Variants in ASAP1 observed in about 807,000 individuals in gnomAD.
The protein encoded by ASAP1 is ArfGAP with SH3 domain, ankyrin repeat and PH domain 1, also known as arf-GAP with SH3 domain, ANK repeat and PH domain-containing protein 1.
In ASAP1, 43 loss-of-function variants were observed where a neutral mutation model predicts 145.2. The ratio of observed to expected loss-of-function variants is 0.30; its 90% CI spans 0.23 to 0.38. ASAP1 has a LOEUF of 0.38. Ranked by LOEUF, ASAP1 falls within the 10% of genes least tolerant of loss-of-function variation. The probability of loss-of-function intolerance (pLI) is 1.00; values close to 1 mark genes in which losing one functional copy is unlikely to be tolerated. For synonymous variants in ASAP1, 546 were observed against 515.5 expected (o/e 1.06, Z -0.80); for missense variants, 1,018 against 1,355.3 (o/e 0.75, Z 3.91).
At chr8:130,419,825 G>C (rs1471612144) in intron 1 of ASAP1, among the ~76,000 whole-genome samples, 1 of 152,096 alleles carries the variant, frequency 6.6e-6, no homozygotes, top group South Asian at 2.1e-4. Flanking sequence ...GGGCTCCTTC[G>C]CACAGCCCTC....
intron 25 of ASAP1, among the ~76,000 whole-genome samples, chr8:130,085,763 G>T (rs1266159895): frequency 1.4e-5 from 2 of 143,826 alleles, no homozygotes; most frequent in Non-Finnish European, 3.1e-5. Context: ...AAAGGAAAGA[G>T]GTTCAATGAA....
Position 130,152,813 on chromosome 8 carries a change from G to A in ASAP1, c.1011-8C>T, listed in dbSNP as rs2097649329. 5 of 1,604,658 alleles carry A rather than the reference G, an allele frequency of 3.1e-6. No homozygotes were observed. The East Asian group carries it at 1.1e-4, about 36-fold the overall frequency. On this transcript the variant is annotated splice_polypyrimidine_tract_variant and splice_region_variant and intron_variant, in intron 12 of 29. Transcript: ENST00000518721. ...TGCCATACTTTCCGGATCCTAAGGA[G>A]GAAGTCAAACACAACTAGATATAGT...
At chr8:130,199,783 G>C (rs1312493383) in intron 5 of ASAP1, among the ~76,000 whole-genome samples, 6 of 152,146 alleles carry the variant, frequency 3.9e-5, no homozygotes, top group African/African-American at 1.4e-4. Context: ...ATAGGGAGAT[G>C]CTCAAACTGC....
At chr8:130,234,051 T>A (rs568517295) in intron 4 of ASAP1, among the ~76,000 whole-genome samples, 1 of 152,154 alleles carries the variant, frequency 6.6e-6, no homozygotes, top group South Asian at 2.1e-4. Context: ...CCTGTTTTTG[T>A]TTTTAAGAGT....
At chr8:130,303,147 C>T (rs1435183284) in intron 3 of ASAP1, among the ~76,000 whole-genome samples, 1 of 152,208 alleles carries the variant, frequency 6.6e-6, no homozygotes, top group Non-Finnish European at 1.5e-5. Flanking sequence ...TGGCCATTTA[C>T]TAGCAGAATG....
chr8:130,218,059 G>A (rs1306876060), intron 4 of ASAP1, among the ~76,000 whole-genome samples: 3 of 152,070 alleles, frequency 2.0e-5, no homozygotes, highest in African/African-American at 4.8e-5. Context: ...ACTCAGAGGA[G>A]CGGCTCAGAA....
At chr8:130,413,562 T>G (rs192428092) in intron 1 of ASAP1, among the ~76,000 whole-genome samples, 1 of 152,302 alleles carries the variant, frequency 6.6e-6, no homozygotes, top group African/African-American at 2.4e-5. Context: ...CTAAGAAATG[T>G]TCAAATCTCA....
At chr8:130,331,040 C>T (rs897285295) in intron 3 of ASAP1, among the ~76,000 whole-genome samples, 17 of 152,078 alleles carry the variant, frequency 1.1e-4, no homozygotes, top group African/African-American at 4.1e-4. Context: ...ATGCTCAGTT[C>T]CCCCAGCTGC....
intron 12 of ASAP1, among the ~76,000 whole-genome samples, chr8:130,159,177 G>C (rs551400942): frequency 7.2e-5 from 11 of 152,330 alleles, no homozygotes; most frequent in African/African-American, 2.6e-4. Flanking sequence ...AGCAGGGGCT[G>C]AGGGGATGGC....
intron 3 of ASAP1, among the ~76,000 whole-genome samples, chr8:130,338,082 T>C (rs1038493387): frequency 1.3e-5 from 2 of 152,218 alleles, no homozygotes; most frequent in East Asian, 1.9e-4. Flanking sequence ...ATTTGGGCAC[T>C]GGGGGATAAG....
chr8:130,257,786 AC>A (rs11392655), intron 3 of ASAP1, among the ~76,000 whole-genome samples: 40,244 of 132,932 alleles, frequency 0.3, 6,486 homozygotes, highest in East Asian at 0.52. Context: ...ACTCAAGAGC[AC>A]CCCCCCCCCA....
At chr8:130,139,568 A>G (rs1342944312) in intron 13 of ASAP1, among the ~76,000 whole-genome samples, 7 of 152,220 alleles carry the variant, frequency 4.6e-5, no homozygotes, top group Non-Finnish European at 7.4e-5. Flanking sequence ...GTCTCTACTG[A>G]AAATACAAAA....
intron 25 of ASAP1, chr8:130,084,480 A>C (rs2097488326): frequency 6.6e-6 from 1 of 152,242 alleles, no homozygotes; most frequent in Non-Finnish European, 1.5e-5. Flanking sequence ...CAGGCAATGG[A>C]AGAAGTGTGG....
chr8:130,148,223 A>G (rs893642356), intron 13 of ASAP1, among the ~76,000 whole-genome samples: 1 of 76,494 alleles, frequency 1.3e-5, no homozygotes, highest in Non-Finnish European at 3.0e-5. Flanking sequence ...CAGCTGAGGA[A>G]AAAAAAACCC....
chr8:130,420,369 GAA>G (rs1341785996), intron 1 of ASAP1, among the ~76,000 whole-genome samples: 1 of 151,818 alleles, frequency 6.6e-6, no homozygotes, highest in East Asian at 1.9e-4. Context: ...AGCTACTTTG[GAA>G]AAGTCAAAAC....
At chr8:130,386,365 C>G (rs1828016208) in intron 2 of ASAP1, among the ~76,000 whole-genome samples, 1 of 152,212 alleles carries the variant, frequency 6.6e-6, no homozygotes, top group Non-Finnish European at 1.5e-5. Flanking sequence ...TAAAACTGTG[C>G]TGACCACGGA....
At chr8:130,062,633 G>T (rs548785778) in intron 27 of ASAP1, among the ~76,000 whole-genome samples, 1 of 152,324 alleles carries the variant, frequency 6.6e-6, no homozygotes, top group African/African-American at 2.4e-5. Context: ...AACTCTAAGT[G>T]CCAGGCATGG....
chr8:130,079,434 AT>A lies in ASAP1; in HGVS notation c.2642+467del, dbSNP rs575880657. Among the ~76,000 whole-genome samples the A allele has an allele frequency of 3.2e-4, 49 of 152,274 alleles. 1 individual carries two copies. The South Asian group carries it at 5.0e-3, about 15-fold the overall frequency. Reference sequence around the variant, plus strand: ...CTGTCAGCCTAGCCTAAAAAAAAAAATATTAGAAACAGAACTTGAAAGAGTG... The same window carrying A: ...CTGTCAGCCTAGCCTAAAAAAAAAAAATTAGAAACAGAACTTGAAAGAGTG... On this transcript the variant is annotated intron_variant, in intron 26 of 29. Coordinates refer to ENST00000518721, the MANE Select transcript of ASAP1 (RefSeq NM_018482.4).
intron 4 of ASAP1, among the ~76,000 whole-genome samples, chr8:130,228,813 AT>A (rs920756162): frequency 2.0e-5 from 3 of 151,342 alleles, no homozygotes; most frequent in Non-Finnish European, 4.4e-5. Context: ...AGTGGCTATT[AT>A]TTTTTTTTCT....
Sources: allele counts gnomAD v4.1 joint callset (sites outside exome capture counted in the v4.1 genomes callset), GRCh38; gene constraint gnomAD v4.1.1; transcripts MANE v1.5; gene names NCBI Gene and HGNC (gene_info 2026-07-23, HGNC 2026-07-21).